Variants in AFAP1 observed in about 807,000 individuals in gnomAD.
AFAP1 encodes the protein actin filament associated protein 1, also known as actin filament-associated protein 1.
AFAP1 carries 75 observed loss-of-function variants against 93.9 expected under a neutral mutation model. The ratio of observed to expected loss-of-function variants is 0.80; its 90% CI spans 0.66 to 0.97. The LOEUF is 0.97. Among genes scored for constraint, AFAP1 ranks in the 50% least tolerant of loss-of-function variants. The pLI, the probability that AFAP1 is intolerant of heterozygous loss-of-function variation, is 0.00. For synonymous variants in AFAP1, 517 were observed against 430.7 expected (o/e 1.20, Z -2.48); for missense variants, 1,201 against 1,050.8 (o/e 1.14, Z -1.98).
At chr4:7,861,205 A>G (rs557348952) in intron 3 of AFAP1, among the ~76,000 whole-genome samples, 1 of 152,336 alleles carries the variant, frequency 6.6e-6, no homozygotes, top group African/African-American at 2.4e-5. Flanking sequence ...TGAAATAAGA[A>G]AATCAGGGCT....
intron 6 of AFAP1, among the ~76,000 whole-genome samples, chr4:7,825,667 G>A (rs941720747): frequency 4.6e-5 from 7 of 152,166 alleles, no homozygotes; most frequent in Non-Finnish European, 4.4e-5. Flanking sequence ...CTAAGTGTAC[G>A]CTTCAGGAAG....
intron 1 of AFAP1, among the ~76,000 whole-genome samples, chr4:7,901,798 C>G (rs1719130576): frequency 1.3e-5 from 2 of 152,166 alleles, no homozygotes; most frequent in South Asian, 2.1e-4. Context: ...AATCTGAACT[C>G]AGACACAATT....
rs543991662 is a variant in AFAP1 at position 7,890,004 on chromosome 4, TAAAAAA to T, written c.-2-17930_-2-17925del. Among the ~76,000 whole-genome samples, 325 of 100,338 alleles carry T rather than the reference TAAAAAA, an allele frequency of 3.2e-3. 2 individuals are homozygous for T. Among genetic ancestry groups the T allele is most frequent in the Middle Eastern group, 0.012 (2 of 162 alleles). The allele number at this position is 100,338 out of a possible 152,430, so 65.8% of individuals were successfully genotyped here. ...TCAAGATCCCAGGAGCAATTTTTGT[TAAAAAA>T]AAAAAAAAAAAAAAGAAGCCAATTC... On this transcript the variant is annotated intron_variant, in intron 1 of 17. Transcript: ENST00000420658.
intron 1 of AFAP1, among the ~76,000 whole-genome samples, chr4:7,886,853 C>T (rs1488369883): frequency 2.0e-5 from 3 of 152,126 alleles, no homozygotes; most frequent in Admixed American, 6.5e-5. Flanking sequence ...AATATGATAT[C>T]GAAAGCACAG....
At chr4:7,858,775 A>C (rs1560204019) in intron 3 of AFAP1, among the ~76,000 whole-genome samples, 2 of 152,150 alleles carry the variant, frequency 1.3e-5, no homozygotes, top group African/African-American at 4.8e-5. Flanking sequence ...CTCACCTAAA[A>C]CAAGGGCATC....
intron 8 of AFAP1, among the ~76,000 whole-genome samples, chr4:7,809,983 G>A (rs41264707): frequency 0.14 from 21,206 of 151,886 alleles, 1,638 homozygotes; most frequent in East Asian, 0.25. Context: ...CTTGGCCTCC[G>A]GAGTAGCTGG....
chr4:7,793,205 T>C (rs1718051618), intron 11 of AFAP1, among the ~76,000 whole-genome samples: 1 of 152,186 alleles, frequency 6.6e-6, no homozygotes, highest in Non-Finnish European at 1.5e-5. Flanking sequence ...TACAAAGTAC[T>C]TGACGGATAG....
chr4:7,880,816 T>C (rs905166013), intron 1 of AFAP1, among the ~76,000 whole-genome samples: 2 of 152,214 alleles, frequency 1.3e-5, no homozygotes, highest in African/African-American at 4.8e-5. Context: ...CTACTGTTAC[T>C]GGCTCTGAGA....
At chr4:7,797,206 C>A (rs1718510238) in intron 10 of AFAP1, among the ~76,000 whole-genome samples, 1 of 152,138 alleles carries the variant, frequency 6.6e-6, no homozygotes, top group Non-Finnish European at 1.5e-5. Flanking sequence ...GGAATTAGAA[C>A]GTCACCATTT....
At chr4:7,917,650 C>A (rs1200833507) in intron 1 of AFAP1, among the ~76,000 whole-genome samples, 1 of 152,154 alleles carries the variant, frequency 6.6e-6, no homozygotes, top group East Asian at 1.9e-4. Context: ...GAACCACGTA[C>A]CTCTCACTAC....
At chr4:7,830,770 A>T (rs1005713680) in intron 6 of AFAP1, among the ~76,000 whole-genome samples, 1 of 152,088 alleles carries the variant, frequency 6.6e-6, no homozygotes, top group African/African-American at 2.4e-5. Flanking sequence ...CACCATGCTC[A>T]GATAATTTTT....
chr4:7,795,843 G>C (rs1718368640), intron 10 of AFAP1, among the ~76,000 whole-genome samples: 1 of 152,080 alleles, frequency 6.6e-6, no homozygotes, highest in African/African-American at 2.4e-5. Flanking sequence ...TTACTTTAGA[G>C]TTTACCAATT....
At chr4:7,893,331 A>C (rs1718579347) in intron 1 of AFAP1, among the ~76,000 whole-genome samples, 1 of 152,232 alleles carries the variant, frequency 6.6e-6, no homozygotes, top group South Asian at 2.1e-4. Flanking sequence ...CTGTAATCCC[A>C]ACACTTTGGG....
At chr4:7,937,716 A>G (rs1721473274) in intron 1 of AFAP1, among the ~76,000 whole-genome samples, 3 of 152,046 alleles carry the variant, frequency 2.0e-5, no homozygotes, top group Admixed American at 2.0e-4. Flanking sequence ...CGAACTCCTG[A>G]CCTCAAATGA....
At chr4:7,915,162 T>C (rs1439950179) in intron 1 of AFAP1, among the ~76,000 whole-genome samples, 1 of 152,218 alleles carries the variant, frequency 6.6e-6, no homozygotes, top group African/African-American at 2.4e-5. Flanking sequence ...GGGATGTCAG[T>C]GTGCGCCCCC....
At chr4:7,768,371 G>C (rs1156634713) in intron 17 of AFAP1, among the ~76,000 whole-genome samples, 1 of 152,242 alleles carries the variant, frequency 6.6e-6, no homozygotes, top group Non-Finnish European at 1.5e-5. Flanking sequence ...GAGTAAACAG[G>C]TTCCTCCGAG....
chr4:7,775,243 C>G (rs1030032905), intron 14 of AFAP1: 2 of 207,122 alleles, frequency 9.7e-6, no homozygotes, highest in African/African-American at 2.3e-5. Flanking sequence ...GCTAATTCAA[C>G]AAGAAAAGGA....
chr4:7,889,690 G>GTTGTT (rs1221825186), intron 1 of AFAP1, among the ~76,000 whole-genome samples: 8 of 107,196 alleles, frequency 7.5e-5, no homozygotes, highest in African/African-American at 2.5e-4. Context: ...TCAATGAAGC[G>GTTGTT]TTTTTTTTTT....
intron 1 of AFAP1, among the ~76,000 whole-genome samples, chr4:7,890,603 C>T (rs1457554586): frequency 6.6e-6 from 1 of 152,038 alleles, no homozygotes; most frequent in East Asian, 1.9e-4. Context: ...ACACTGAATA[C>T]CAAAAACACA....
Sources: allele counts gnomAD v4.1 joint callset (sites outside exome capture counted in the v4.1 genomes callset), GRCh38; gene constraint gnomAD v4.1.1; transcripts MANE v1.5; gene names NCBI Gene and HGNC (gene_info 2026-07-23, HGNC 2026-07-21).